BANP: variants seen among roughly 807,000 people sequenced by gnomAD.
BANP encodes BTG3 associated nuclear protein.
BANP carries 11 observed loss-of-function variants against 68.1 expected under a neutral mutation model. The ratio of observed to expected loss-of-function variants is 0.16; its 90% confidence interval spans 0.10 to 0.27. BANP has a LOEUF of 0.27. Among genes scored for constraint, BANP ranks in the 10% least tolerant of loss-of-function variants. The pLI is 1.00. For synonymous variants in BANP, 329 were observed against 303.2 expected, an observed-to-expected ratio of 1.09 and a Z score of -0.88; for missense variants, 504 against 722.7, an observed-to-expected ratio of 0.70 and a Z score of 3.47.
At chr16:87,984,308 C>A in intron 4 of BANP, 49 bp downstream of exon 4, 2 of 1,451,924 alleles carry the variant, frequency 1.4e-6, no homozygotes, top group Non-Finnish European at 9.3e-7. Context: ...TGGGGAGAAG[C>A]GCGTCACCTC....
At position 87,957,204 on chromosome 16, in the gene BANP, G is replaced by A. The variant is rs1270885097; in HGVS notation, c.-69+5689G>A. ...CCATGGGAGGTGTCTCTCTGGGGAA[G>A]GGGTCAGTGGTGGTGGAGGATGGCG... is the stretch of plus-strand genomic sequence containing the variant. On this transcript the variant is annotated intron_variant, in intron 1 of 13. Transcript: ENST00000682872. This position sits in a 1 kb window ranked among gnomAD's most constrained non-coding sequence, Gnocchi z 4.3. 1 of 152,284 alleles carries A rather than the reference G, an allele frequency of 6.6e-6. No homozygotes were observed. The highest frequency in any genetic ancestry group is 1.5e-5 in the Non-Finnish European group (1 of 68,084). The allele number at this position is 152,284 out of a possible 1,614,324, so 9.4% of individuals were successfully genotyped here. A position where few individuals can be genotyped will look rare whatever the true frequency, so the allele number is the denominator to read the frequency against.
In BANP at chr16:88,072,062, C is replaced by A. The variant is rs772525766; in HGVS notation, c.1378-7C>A. The stretch of plus-strand genomic sequence containing the variant: ...CCGCTGACGGGCCCCCGTGTGTCTC[C>A]CTCCAGGTGCTGCAGGGTGCACAGC... On this transcript the variant is annotated splice_polypyrimidine_tract_variant and splice_region_variant and intron_variant, in intron 12 of 13. Coordinates refer to ENST00000682872, the MANE Select transcript of BANP (RefSeq NM_001386991.1). 1.3e-6 allele frequency: 2 copies of A among 1,567,108 alleles called. No individual in the cohort carries two copies. The highest frequency in any genetic ancestry group is 1.9e-5 in the Admixed American group (1 of 52,302).
intron 1 of BANP, among the ~76,000 whole-genome samples, chr16:87,969,067 C>T (rs751060070): frequency 5.9e-5 from 9 of 152,148 alleles, no homozygotes; most frequent in East Asian, 1.9e-4. Context: ...GCACTGCCCT[C>T]GTCCACACTG....
intron 11 of BANP, among the ~76,000 whole-genome samples, chr16:88,047,067 A>G (rs905487668): frequency 7.4e-6 from 1 of 135,788 alleles, no homozygotes; most frequent in African/African-American, 3.3e-5. Flanking sequence ...CTCCGTCTCA[A>G]AAAAGAAAAA....
intron 8 of BANP, among the ~76,000 whole-genome samples, chr16:88,030,760 A>G (rs867335229): frequency 6.6e-6 from 1 of 152,168 alleles, no homozygotes; most frequent in African/African-American, 2.4e-5. Flanking sequence ...TGTGGTTGCA[A>G]GGTGCACTCT....
chr16:88,043,979 T>G (rs1259599571), intron 11 of BANP, among the ~76,000 whole-genome samples: 1 of 152,172 alleles, frequency 6.6e-6, no homozygotes, highest in Non-Finnish European at 1.5e-5. Context: ...AAATTGATGG[T>G]TTTTTTATGA....
At chr16:88,032,968 G>T (rs1368504677) in intron 8 of BANP, 141 bp from the exon 9 acceptor site, 6 of 953,876 alleles carry the variant, frequency 6.3e-6, no homozygotes, top group Non-Finnish European at 4.5e-6. Flanking sequence ...GAGTGGAGAT[G>T]CAGTGAGTCG....
chr16:88,062,679 G>T (rs538247077), intron 11 of BANP, among the ~76,000 whole-genome samples: 5 of 152,220 alleles, frequency 3.3e-5, no homozygotes, highest in Admixed American at 2.0e-4. Flanking sequence ...GACACCGTCC[G>T]TTCCAATGAG....
At chr16:87,978,525 G>C (rs2062624737) in intron 2 of BANP, 1 of 445,212 alleles carries the variant, frequency 2.2e-6, no homozygotes, top group South Asian at 1.6e-5. Context: ...GCACTTGTAG[G>C]CATGGAGTTT....
chr16:88,010,329 T>C (rs2072685257), intron 6 of BANP, among the ~76,000 whole-genome samples: 1 of 152,250 alleles, frequency 6.6e-6, no homozygotes, highest in African/African-American at 2.4e-5. Context: ...CATAAAATGT[T>C]AGGTACTTCA....
At chr16:87,985,245 C>T (rs1598111059) in intron 4 of BANP, among the ~76,000 whole-genome samples, 1 of 152,204 alleles carries the variant, frequency 6.6e-6, no homozygotes, top group Admixed American at 6.5e-5. Context: ...AACTCTCGGG[C>T]ATGCCGGGGC....
intron 8 of BANP, among the ~76,000 whole-genome samples, chr16:88,031,878 C>T (rs1289115349): frequency 1.3e-5 from 2 of 150,346 alleles, no homozygotes; most frequent in Admixed American, 1.3e-4. Flanking sequence ...CATCTCAGCT[C>T]ACTGTAACCA....
At chr16:87,961,522 G>A (rs1415415535) in intron 1 of BANP, among the ~76,000 whole-genome samples, 2 of 152,012 alleles carry the variant, frequency 1.3e-5, no homozygotes, top group Non-Finnish European at 2.9e-5. Flanking sequence ...CAGACCACCG[G>A]TGGAAGCAGA....
At chr16:87,964,815 A>C (rs1448466951) in intron 1 of BANP, among the ~76,000 whole-genome samples, 2 of 152,144 alleles carry the variant, frequency 1.3e-5, no homozygotes, top group Non-Finnish European at 2.9e-5. Context: ...AGGAGGCCTG[A>C]GGTTTTGGCC....
chr16:87,971,012 A>G (rs1381385594), intron 1 of BANP, among the ~76,000 whole-genome samples: 1 of 83,796 alleles, frequency 1.2e-5, no homozygotes, highest in Non-Finnish European at 2.4e-5. Context: ...GTGAGACTGC[A>G]TCTCAAAAAA....
At chr16:87,970,274 G>A (rs1479147390) in intron 1 of BANP, 1 of 152,208 alleles carries the variant, frequency 6.6e-6, no homozygotes. Context: ...GGAAATGTTA[G>A]GATTCTAGAA....
intron 11 of BANP, among the ~76,000 whole-genome samples, chr16:88,056,492 A>G (rs933884442): frequency 2.7e-5 from 4 of 150,306 alleles, no homozygotes; most frequent in African/African-American, 9.8e-5. Context: ...GAGAACTTAG[A>G]TGAAATGATG....
rs185030411 is a variant in BANP, at chr16:87,990,964, G to A, written c.362+6705G>A. 1.1e-4 allele frequency among the ~76,000 whole-genome samples: 16 copies of A among 152,146 alleles called. No individual in the cohort carries two copies. The East Asian group carries it at 2.3e-3, about 22-fold the overall frequency. ...TTTTTAGTAGAGACGGGGTTTCACC[G>A]TGTTAGCCAGGATGGTCTCGATCTC... On this transcript the variant is annotated intron_variant, in intron 4 of 13. Transcript: ENST00000682872.
chr16:88,004,941 C>G lies in BANP; in HGVS notation c.479+530C>G, dbSNP rs1048853872. 1.3e-5 allele frequency among the ~76,000 whole-genome samples: 2 copies of G among 152,208 alleles called. No homozygotes were observed. The highest frequency in any genetic ancestry group is 4.8e-5 in the African/African-American group (2 of 41,442). ...GGGAAGGCTGTGCAGTGGCCTCTGGCTGGCATCCAAGCCCTGCTGTCCCCA... is the reference window on the plus strand; with the variant it reads ...GGGAAGGCTGTGCAGTGGCCTCTGGGTGGCATCCAAGCCCTGCTGTCCCCA... On this transcript the variant is annotated intron_variant, in intron 5 of 13. Transcript: ENST00000682872. The surrounding 1 kb of genome is among the most constrained non-coding windows in gnomAD (Gnocchi z 7.0).
Sources: allele counts gnomAD v4.1 joint callset (sites outside exome capture counted in the v4.1 genomes callset), GRCh38; gene constraint gnomAD v4.1.1; non-coding constraint Gnocchi (gnomAD v3.1); transcripts MANE v1.5; gene names NCBI Gene and HGNC (gene_info 2026-07-23, HGNC 2026-07-21).